ECPAS: variants seen among roughly 807,000 people sequenced by gnomAD.
The protein encoded by ECPAS is proteasome adapter and scaffold protein ECM29.
A neutral mutation model predicts 255.1 loss-of-function variants in ECPAS; 70 were observed. The observed-to-expected ratio is 0.27, with a 90% confidence interval of 0.23 to 0.33. The LOEUF (loss-of-function observed/expected upper bound fraction) is 0.33. Among genes scored for constraint, ECPAS ranks in the 10% least tolerant of loss-of-function variants. The pLI, the probability that ECPAS is intolerant of heterozygous loss-of-function variation, is 1.00. For missense variants in ECPAS, 1,817 were observed against 2,206.4 expected, an observed-to-expected ratio of 0.82 and a Z score of 3.54; for synonymous variants, 784 against 775.0, an observed-to-expected ratio of 1.01 and a Z score of -0.19.
rs1351904432 is a variant in ECPAS, at chr9:111,361,686, G to C, written c.*344C>G. Reference sequence around the variant, plus strand: ...GGCCCCTTCCTGAAATAACTAATTTGAATGCAGTTCTAAGATTTTTATCCA... The same window carrying C: ...GGCCCCTTCCTGAAATAACTAATTTCAATGCAGTTCTAAGATTTTTATCCA... On this transcript the variant is annotated 3_prime_UTR_variant, in exon 50 of 50. Transcript: ENST00000684092. The C allele has an allele frequency of 6.1e-6, 1 of 163,730 alleles. No individual in the cohort carries two copies. The highest frequency in any genetic ancestry group is 2.4e-5 in the African/African-American group (1 of 41,894). The allele number at this position is 163,730 out of a possible 1,614,324, so 10.1% of individuals were successfully genotyped here. A position where few individuals can be genotyped will look rare whatever the true frequency, so the allele number is the denominator to read the frequency against.
Position 111,384,548 on chromosome 9 carries a change from C to T in ECPAS, c.3655G>A (p.Glu1219Lys). The change falls in exon 34 of 50, where the codon GAA becomes AAA. Residue 1219 changes from glutamate to lysine, a missense_variant. Transcript: ENST00000684092. ...DIKESVRKAA[E>K]LALKTLSKVC... ...TTGCTCAGAGTTTTCAGAGCTAGTT[C>T]TGCCGCTTTTCGTACAGATTCCTAA... 1.9e-6 allele frequency: 3 copies of T among 1,613,916 alleles called. No homozygotes were observed. The South Asian group carries it at 3.3e-5, about 18-fold the overall frequency.
At chr9:111,467,797 C>T (rs1488632497) in intron 2 of ECPAS, among the ~76,000 whole-genome samples, 3 of 152,128 alleles carry the variant, frequency 2.0e-5, no homozygotes, top group Non-Finnish European at 4.4e-5. Context: ...AGTCACAAAG[C>T]AGTTTCACAT....
chr9:111,435,752 G>A (rs1260094119), intron 7 of ECPAS, among the ~76,000 whole-genome samples: 2 of 148,564 alleles, frequency 1.3e-5, no homozygotes, highest in African/African-American at 2.5e-5. Context: ...CGATCTCGGC[G>A]CACTGCAAGC....
intron 2 of ECPAS, among the ~76,000 whole-genome samples, chr9:111,457,113 G>T (rs1258823795): frequency 3.3e-5 from 5 of 152,154 alleles, no homozygotes; most frequent in African/African-American, 7.2e-5. Flanking sequence ...GAATTGAAAA[G>T]AATCCAGTTA....
intron 1 of ECPAS, among the ~76,000 whole-genome samples, chr9:111,475,402 T>C (rs763054114): frequency 7.9e-5 from 12 of 152,204 alleles, no homozygotes; most frequent in Non-Finnish European, 1.3e-4. Context: ...ACAATGGCCT[T>C]GATCACATAT....
chr9:111,431,872 G>C (rs557542062), intron 8 of ECPAS, among the ~76,000 whole-genome samples: 1 of 152,294 alleles, frequency 6.6e-6, no homozygotes, highest in East Asian at 1.9e-4. Context: ...TTTTAGATAT[G>C]ATTCACCTAC....
intron 35 of ECPAS, among the ~76,000 whole-genome samples, chr9:111,382,170 A>G (rs937789172): frequency 2.6e-5 from 4 of 152,058 alleles, no homozygotes; most frequent in African/African-American, 7.3e-5. Context: ...GAATCATTAT[A>G]AAGTTCTCTT....
Position 111,451,419 on chromosome 9 carries a change from G to C in ECPAS, c.153+6C>G, listed in dbSNP as rs778696443. The C allele has an allele frequency of 5.1e-6, 8 of 1,566,468 alleles. No individual in the cohort carries two copies. Among genetic ancestry groups the C allele is most frequent in the Non-Finnish European group, 6.9e-6 (8 of 1,155,132 alleles). On this transcript the variant is annotated splice_donor_region_variant and intron_variant, in intron 3 of 49. Coordinates refer to ENST00000684092, the MANE Select transcript of ECPAS (RefSeq NM_001364929.1). ...TTAATTCCCCCAGCTGTCCCAACAT[G>C]CTTACCTTTTTACGTACTCCTTCTT...
At chr9:111,422,785 G>GA (rs975545576) in intron 13 of ECPAS, among the ~76,000 whole-genome samples, 4 of 150,574 alleles carry the variant, frequency 2.7e-5, no homozygotes, top group Non-Finnish European at 4.4e-5. Flanking sequence ...ACATTGAGAA[G>GA]AAAAAAAAAT....
At chr9:111,410,871 C>T in intron 22 of ECPAS, 109 bp downstream of exon 22, 1 of 1,161,944 alleles carries the variant, frequency 8.6e-7, no homozygotes, top group South Asian at 1.6e-5. Flanking sequence ...TGTGAAAAAG[C>T]TTGTGTCTTT....
At chr9:111,416,050 A>C (rs2098203008) in intron 18 of ECPAS, among the ~76,000 whole-genome samples, 1 of 152,212 alleles carries the variant, frequency 6.6e-6, no homozygotes, top group Non-Finnish European at 1.5e-5. Flanking sequence ...TTTTTCACAA[A>C]AAGAATCTCA....
chr9:111,409,969 T>C, intron 23 of ECPAS, 72 bp downstream of exon 23: 1 of 1,078,834 alleles, frequency 9.3e-7, no homozygotes, highest in South Asian at 1.6e-5. Context: ...ATTCTCATTA[T>C]AATCTGTTTT....
chr9:111,365,921 C>A (rs2098119910), intron 48 of ECPAS: 1 of 236,808 alleles, frequency 4.2e-6, no homozygotes, highest in Admixed American at 5.1e-5. Context: ...ACAAATGATT[C>A]TGCATAAAGT....
chr9:111,476,234 C>T (rs535355626), intron 1 of ECPAS, among the ~76,000 whole-genome samples: 1 of 152,146 alleles, frequency 6.6e-6, no homozygotes, highest in Non-Finnish European at 1.5e-5. Context: ...GCCCAGAATA[C>T]GAAACCACTA....
At chr9:111,401,661 T>G (rs189201579) in intron 24 of ECPAS, among the ~76,000 whole-genome samples, 11 of 152,168 alleles carry the variant, frequency 7.2e-5, no homozygotes, top group African/African-American at 1.2e-4. Context: ...CTCAACCACA[T>G]AAGACAGACG....
chr9:111,443,755 G>C (rs867994124), intron 4 of ECPAS, among the ~76,000 whole-genome samples: 1 of 152,094 alleles, frequency 6.6e-6, no homozygotes, highest in Non-Finnish European at 1.5e-5. Flanking sequence ...CAGATGTTAG[G>C]TAAGATTCAA....
At chr9:111,462,029 G>C (rs971613169) in intron 2 of ECPAS, among the ~76,000 whole-genome samples, 1 of 152,148 alleles carries the variant, frequency 6.6e-6, no homozygotes, top group Non-Finnish European at 1.5e-5. Flanking sequence ...GGAATTATGG[G>C]AGCTACAAGA....
At chr9:111,372,967 G>C (rs889630892) in intron 41 of ECPAS, among the ~76,000 whole-genome samples, 1 of 152,122 alleles carries the variant, frequency 6.6e-6, no homozygotes, top group African/African-American at 2.4e-5. Context: ...AGGAGGCTGA[G>C]GTTGCAGTGA....
chr9:111,436,899 T>A, intron 7 of ECPAS, 41 bp downstream of exon 7: 1 of 1,510,454 alleles, frequency 6.6e-7, no homozygotes, highest in Non-Finnish European at 8.9e-7. Context: ...GGGGAAAGTG[T>A]CCACAATCAA....
Sources: allele counts gnomAD v4.1 joint callset (sites outside exome capture counted in the v4.1 genomes callset), GRCh38; gene constraint gnomAD v4.1.1; transcripts MANE v1.5; gene names NCBI Gene and HGNC (gene_info 2026-07-23, HGNC 2026-07-21).